Variants in SEPTIN9 observed in about 807,000 individuals in gnomAD.
SEPTIN9 encodes the protein septin-9.
SEPTIN9 carries 13 observed loss-of-function variants against 56.6 expected under a neutral mutation model. The observed-to-expected ratio is 0.23, with a 90% CI of 0.15 to 0.37. The LOEUF (loss-of-function observed/expected upper bound fraction) is 0.37. Ranked by LOEUF, SEPTIN9 falls within the 10% of genes least tolerant of loss-of-function variation. The pLI is 1.00. For synonymous variants in SEPTIN9, 332 were observed against 334.1 expected, an observed-to-expected ratio of 0.99 and a Z score of 0.07; for missense variants, 650 against 823.1, an observed-to-expected ratio of 0.79 and a Z score of 2.57.
chr17:77,340,393 A>G (rs11077902), intron 2 of SEPTIN9, among the ~76,000 whole-genome samples: 87,496 of 151,974 alleles, frequency 0.58, 25,850 homozygotes, highest in East Asian at 0.99. Context: ...CCCCCGCCCC[A>G]GCCTTCAAAA....
chr17:77,444,298 C>T (rs2037655178), intron 3 of SEPTIN9, among the ~76,000 whole-genome samples: 1 of 152,118 alleles, frequency 6.6e-6, no homozygotes, highest in South Asian at 2.1e-4. Flanking sequence ...CAGCAGAGCC[C>T]TGCATGGGCA....
chr17:77,485,009 A>G (rs2039675070), intron 4 of SEPTIN9, among the ~76,000 whole-genome samples: 4 of 5,766 alleles, frequency 6.9e-4, no homozygotes, highest in Non-Finnish European at 1.1e-3. Flanking sequence ...GAAGGGGGTG[A>G]TGGTGGTGAT....
intron 3 of SEPTIN9, among the ~76,000 whole-genome samples, chr17:77,448,330 G>A (rs751871096): frequency 3.3e-5 from 5 of 152,056 alleles, no homozygotes; most frequent in African/African-American, 7.2e-5. Flanking sequence ...AAAAGTAGCC[G>A]CCGGACATGG....
chr17:77,373,188 C>T (rs953017309), intron 2 of SEPTIN9: 1 of 1,077,942 alleles, frequency 9.3e-7, no homozygotes, highest in Non-Finnish European at 1.1e-6. Flanking sequence ...CGGGCCCCAG[C>T]CCCCCAGGCC....
intron 2 of SEPTIN9, among the ~76,000 whole-genome samples, chr17:77,391,399 G>A (rs958452212): frequency 6.6e-6 from 1 of 152,094 alleles, no homozygotes; most frequent in African/African-American, 2.4e-5. Context: ...GCCTGCAGAC[G>A]CATCACCATC....
At chr17:77,344,237 G>T (rs1204683706) in intron 2 of SEPTIN9, among the ~76,000 whole-genome samples, 1 of 151,924 alleles carries the variant, frequency 6.6e-6, no homozygotes, top group African/African-American at 2.4e-5. Context: ...CATACCAATG[G>T]CCAAGAAGCA....
chr17:77,318,017 C>CT lies in SEPTIN9; in HGVS notation c.76+10821dup, dbSNP rs1451775617. On this transcript the variant is annotated intron_variant, in intron 2 of 11. Coordinates refer to ENST00000427177, the MANE Select transcript of SEPTIN9 (RefSeq NM_001113491.2). The surrounding 1 kb of genome is among the most constrained non-coding windows in gnomAD (Gnocchi z 4.9). ...AGTGAACTGAGATAGTGCCACTGTA[C>CT]TCCAGCCTGGGTGGCAGAGCGAGAC... 6.6e-6 allele frequency among the ~76,000 whole-genome samples: 1 copy of CT among 152,068 alleles called. No homozygotes were observed. The highest frequency in any genetic ancestry group is 1.5e-5 in the Non-Finnish European group (1 of 68,020).
chr17:77,413,701 G>A (rs1323354301), intron 3 of SEPTIN9, among the ~76,000 whole-genome samples: 3 of 152,114 alleles, frequency 2.0e-5, no homozygotes, highest in Non-Finnish European at 4.4e-5. Context: ...ACTGGGTCTA[G>A]GGGGCTGAGT....
intron 2 of SEPTIN9, among the ~76,000 whole-genome samples, chr17:77,341,783 TC>T (rs2033735687): frequency 2.8e-5 from 1 of 35,952 alleles, no homozygotes; most frequent in Admixed American, 4.3e-4. Flanking sequence ...AGACTCCATC[TC>T]AAAAAAAAAA....
chr17:77,487,607 CA>C lies in SEPTIN9; in HGVS notation c.1042+56del. ...AGGACGCCCCTGCCTTCCTGGAGCA[CA>C]GGGGTTGGGGGTCAAGACCATCACA... On this transcript the variant is annotated intron_variant, in intron 5 of 11. Coordinates refer to ENST00000427177, the MANE Select transcript of SEPTIN9 (RefSeq NM_001113491.2). This position sits in a 1 kb window ranked among gnomAD's most constrained non-coding sequence, Gnocchi z 4.3. The C allele has an allele frequency of 6.4e-7, 1 of 1,566,308 alleles. No homozygotes were observed. Among genetic ancestry groups the C allele is most frequent in the Non-Finnish European group, 8.6e-7 (1 of 1,157,358 alleles).
At chr17:77,480,883 G>T (rs1415938187) in intron 3 of SEPTIN9, among the ~76,000 whole-genome samples, 1 of 152,180 alleles carries the variant, frequency 6.6e-6, no homozygotes, top group African/African-American at 2.4e-5. Context: ...CCCAAGCAGG[G>T]ACGGGGGCAC....
Position 77,453,325 on chromosome 17 carries a change from G to T in SEPTIN9, c.722-28819G>T, listed in dbSNP as rs1034066384. On this transcript the variant is annotated intron_variant, in intron 3 of 11. Coordinates refer to ENST00000427177, the MANE Select transcript of SEPTIN9 (RefSeq NM_001113491.2). The surrounding 1 kb of genome is among the most constrained non-coding windows in gnomAD (Gnocchi z 4.4). ...TTCCATGTCAAAAATGGCCTTGTTG[G>T]CCGGGCGCAGTGGCTCATGCCTGTA... Among the ~76,000 whole-genome samples, 1 of 152,186 alleles carries T rather than the reference G, an allele frequency of 6.6e-6. No individual in the cohort carries two copies. Among genetic ancestry groups the T allele is most frequent in the Non-Finnish European group, 1.5e-5 (1 of 68,038 alleles).
intron 2 of SEPTIN9, among the ~76,000 whole-genome samples, chr17:77,328,158 C>T (rs370108225): frequency 1.0e-5 from 1 of 100,430 alleles, no homozygotes; most frequent in Non-Finnish European, 2.4e-5. Flanking sequence ...AGGGTGTCCC[C>T]GTGCCCAGTG....
intron 1 of SEPTIN9, among the ~76,000 whole-genome samples, chr17:77,295,086 C>G (rs2031750201): frequency 6.6e-6 from 1 of 152,206 alleles, no homozygotes. Flanking sequence ...TCCGTTTCCA[C>G]CTCACACAAG....
At chr17:77,414,929 G>T (rs2036446058) in intron 3 of SEPTIN9, among the ~76,000 whole-genome samples, 1 of 152,042 alleles carries the variant, frequency 6.6e-6, no homozygotes, top group Non-Finnish European at 1.5e-5. Flanking sequence ...TTTGTGTCTG[G>T]CTTCTCCACT....
At chr17:77,444,870 G>A in intron 3 of SEPTIN9, 3 of 332,168 alleles carry the variant, frequency 9.0e-6, no homozygotes, top group South Asian at 7.4e-5. Context: ...ACTTTGAGAG[G>A]TTGGGCTGTT....
At chr17:77,489,834 C>T (rs1412582550) in intron 7 of SEPTIN9, among the ~76,000 whole-genome samples, 1 of 152,162 alleles carries the variant, frequency 6.6e-6, no homozygotes, top group Non-Finnish European at 1.5e-5. Flanking sequence ...GTCCATGGGC[C>T]TCTCCTGAAC....
At chr17:77,406,844 T>C (rs1347185474) in intron 3 of SEPTIN9, among the ~76,000 whole-genome samples, 1 of 152,122 alleles carries the variant, frequency 6.6e-6, no homozygotes, top group Non-Finnish European at 1.5e-5. Context: ...CTAACTTTTG[T>C]ATTTTTAGTA....
Position 77,475,963 on chromosome 17 carries a change from G to A in SEPTIN9, c.722-6181G>A. On this transcript the variant is annotated intron_variant, in intron 3 of 11. Coordinates refer to ENST00000427177, the MANE Select transcript of SEPTIN9 (RefSeq NM_001113491.2). This position sits in a 1 kb window ranked among gnomAD's most constrained non-coding sequence, Gnocchi z 4.6. ...TGAGAGCCAGGTGTGGGTTGGGTTT[G>A]GGGAAGACAGGGGAATGGCATTGAC... is the stretch of plus-strand genomic sequence containing the variant. 2 of 1,525,854 alleles carry A rather than the reference G, an allele frequency of 1.3e-6. No individual in the cohort carries two copies. Among genetic ancestry groups the A allele is most frequent in the Middle Eastern group, 1.7e-4 (1 of 5,736 alleles). 94.5% of individuals were successfully genotyped at this position (1,525,854 alleles called of 1,614,324 possible). A position where few individuals can be genotyped will look rare whatever the true frequency, so the allele number is the denominator to read the frequency against.
Sources: allele counts gnomAD v4.1 joint callset (sites outside exome capture counted in the v4.1 genomes callset), GRCh38; gene constraint gnomAD v4.1.1; non-coding constraint Gnocchi (gnomAD v3.1); transcripts MANE v1.5; gene names NCBI Gene and HGNC (gene_info 2026-07-23, HGNC 2026-07-21).